TECRL: variants seen among roughly 807,000 people sequenced by gnomAD.
TECRL encodes the protein trans-2,3-enoyl-CoA reductase like.
A neutral mutation model predicts 52.8 loss-of-function variants in TECRL; 63 were observed. That is an observed-to-expected ratio of 1.19 (90% CI 0.97 to 1.47). The LOEUF (loss-of-function observed/expected upper bound fraction) is 1.47. TECRL is among the 40% of genes most tolerant of loss of function. The probability of loss-of-function intolerance (pLI) is 0.00; values close to 1 mark genes in which losing one functional copy is unlikely to be tolerated. For synonymous variants in TECRL, 164 were observed against 141.9 expected, an observed-to-expected ratio of 1.16 and a Z score of -1.10; for missense variants, 482 against 429.6, an observed-to-expected ratio of 1.12 and a Z score of -1.08.
At chr4:64,287,865 G>T (rs1314243934) in intron 9 of TECRL, among the ~76,000 whole-genome samples, 1 of 152,088 alleles carries the variant, frequency 6.6e-6, no homozygotes, top group Non-Finnish European at 1.5e-5. Context: ...ATGGGCCATG[G>T]GCCAGGCACG....
intron 11 of TECRL, 143 bp from the exon 12 acceptor site, chr4:64,280,342 A>C: frequency 3.2e-6 from 2 of 618,248 alleles, no homozygotes; most frequent in South Asian, 9.9e-5. Flanking sequence ...ATTCATACCC[A>C]TTCCCAAGCA....
At chr4:64,286,038 C>T (rs899719663) in intron 9 of TECRL, among the ~76,000 whole-genome samples, 4 of 152,074 alleles carry the variant, frequency 2.6e-5, no homozygotes, top group African/African-American at 9.7e-5. Context: ...TCAATTCACA[C>T]ATTTAATAAT....
chr4:64,341,602 T>C (rs1719573633), intron 2 of TECRL, among the ~76,000 whole-genome samples: 1 of 151,328 alleles, frequency 6.6e-6, no homozygotes, highest in African/African-American at 2.4e-5. Flanking sequence ...TAAAACTCCA[T>C]CTAAAAAAAA....
chr4:64,342,406 G>C (rs1433693852), intron 2 of TECRL, among the ~76,000 whole-genome samples: 4 of 148,792 alleles, frequency 2.7e-5, no homozygotes, highest in Non-Finnish European at 5.9e-5. Flanking sequence ...TTTAGAAGAA[G>C]ACTTGGTAGT....
chr4:64,349,295 G>A (rs1383695098), intron 2 of TECRL, among the ~76,000 whole-genome samples: 1 of 151,796 alleles, frequency 6.6e-6, no homozygotes, highest in East Asian at 2.0e-4. Context: ...CCTACACCAG[G>A]CTAATTTTTG....
chr4:64,337,146 C>T lies in TECRL; in HGVS notation c.287-8590G>A, dbSNP rs557941477. Among the ~76,000 whole-genome samples the T allele has an allele frequency of 5.9e-5, 9 of 152,122 alleles. No individual in the cohort carries two copies. The East Asian group carries it at 1.7e-3, about 29-fold the overall frequency. On this transcript the variant is annotated intron_variant, in intron 2 of 11. Transcript: ENST00000381210. ...CATATGCAAATCAATCAACATAATC[C>T]AGCATATAAATACAATCAAAGACAA... is the stretch of plus-strand genomic sequence containing the variant.
At chr4:64,382,781 A>T (rs1172271707) in intron 1 of TECRL, among the ~76,000 whole-genome samples, 1 of 151,468 alleles carries the variant, frequency 6.6e-6, no homozygotes. Context: ...ATGTCCTTTG[A>T]TCCTTTCTTT....
intron 2 of TECRL, among the ~76,000 whole-genome samples, chr4:64,356,553 C>T (rs148198736): frequency 6.6e-6 from 1 of 152,192 alleles, no homozygotes; most frequent in Non-Finnish European, 1.5e-5. Context: ...GGCCTACATG[C>T]ATATCCAGGC....
At chr4:64,384,762 T>A (rs1378406936) in intron 1 of TECRL, among the ~76,000 whole-genome samples, 2 of 152,118 alleles carry the variant, frequency 1.3e-5, no homozygotes, top group African/African-American at 4.8e-5. Flanking sequence ...TATAGGGCCC[T>A]GACAGCATGA....
At chr4:64,319,076 G>A (rs1717706334) in intron 4 of TECRL, among the ~76,000 whole-genome samples, 2 of 151,764 alleles carry the variant, frequency 1.3e-5, no homozygotes, top group South Asian at 2.1e-4. Context: ...ATGTAAAAAT[G>A]TATATTAGCA....
At chr4:64,383,473 C>T (rs1251975888) in intron 1 of TECRL, among the ~76,000 whole-genome samples, 2 of 151,728 alleles carry the variant, frequency 1.3e-5, no homozygotes, top group African/African-American at 2.4e-5. Flanking sequence ...TTTTGTCTGT[C>T]TGTGTTATTT....
intron 9 of TECRL, among the ~76,000 whole-genome samples, chr4:64,289,244 T>C (rs1384169388): frequency 6.6e-6 from 1 of 152,212 alleles, no homozygotes; most frequent in Non-Finnish European, 1.5e-5. Context: ...CTTTGAAATG[T>C]TCTCCCAGGC....
At chr4:64,286,818 T>C (rs1243323843) in intron 9 of TECRL, among the ~76,000 whole-genome samples, 1 of 152,166 alleles carries the variant, frequency 6.6e-6, no homozygotes, top group Non-Finnish European at 1.5e-5. Context: ...TGACTTAAAA[T>C]TTTCATTTTC....
chr4:64,306,815 A>G (rs536508518), intron 6 of TECRL, among the ~76,000 whole-genome samples: 13 of 152,252 alleles, frequency 8.5e-5, no homozygotes, highest in African/African-American at 2.4e-4. Context: ...TGAGAAATCA[A>G]TTTTCTTCTC....
chr4:64,369,063 A>C (rs543768740), intron 2 of TECRL, among the ~76,000 whole-genome samples: 1 of 152,270 alleles, frequency 6.6e-6, no homozygotes, highest in South Asian at 2.1e-4. Context: ...AAGTAGTCTG[A>C]TAGATAATAA....
intron 1 of TECRL, among the ~76,000 whole-genome samples, chr4:64,376,720 A>C (rs1430853225): frequency 6.6e-6 from 1 of 151,946 alleles, no homozygotes; most frequent in Non-Finnish European, 1.5e-5. Context: ...TAATTTTCAT[A>C]ATCAATAATC....
intron 1 of TECRL, among the ~76,000 whole-genome samples, chr4:64,406,173 T>TTG (rs1724714579): frequency 6.7e-6 from 1 of 149,594 alleles, no homozygotes; most frequent in Non-Finnish European, 1.5e-5. Context: ...CGCGTGTGTG[T>TTG]GTGTGTGTAT....
Position 64,318,963 on chromosome 4 carries a change from T to C in TECRL, c.435+3726A>G, listed in dbSNP as rs143287271. Among the ~76,000 whole-genome samples the C allele has an allele frequency of 3.2e-4, 48 of 152,070 alleles. No individual in the cohort carries two copies. In the East Asian group the frequency reaches 8.7e-3, roughly 27 times the overall value. The stretch of plus-strand genomic sequence containing the variant: ...TGGATTTAAGATATATGGAAAATTA[T>C]ATTGTACCAAAACCATGAAAATGAG... On this transcript the variant is annotated intron_variant, in intron 4 of 11. Transcript: ENST00000381210.
intron 1 of TECRL, among the ~76,000 whole-genome samples, chr4:64,380,788 G>A (rs1722734925): frequency 6.6e-6 from 1 of 151,956 alleles, no homozygotes; most frequent in Non-Finnish European, 1.5e-5. Flanking sequence ...TGCTGTTTTG[G>A]TTACTATAGC....
Sources: gnomAD v4.1 joint callset for allele counts (sites outside exome capture counted in the v4.1 genomes callset) on GRCh38, gnomAD v4.1.1 for gene constraint, MANE v1.5 for transcripts, NCBI Gene and HGNC (gene_info 2026-07-23, HGNC 2026-07-21) for gene names.